The following USP30 variants were observed in gnomAD, a reference collection of about 807,000 sequenced individuals.
The protein encoded by USP30 is ubiquitin carboxyl-terminal hydrolase 30.
Under a neutral mutation model 68.2 loss-of-function variants are expected in USP30, and 41 were observed. That is an observed-to-expected ratio of 0.60 (90% CI 0.47 to 0.78). The LOEUF is 0.78. Ranked by LOEUF, USP30 falls within the 30% of genes least tolerant of loss-of-function variation. USP30 has a pLI of 0.00. For synonymous variants in USP30, 229 were observed against 253.7 expected, an observed-to-expected ratio of 0.90 and a Z score of 0.93; for missense variants, 522 against 649.4, an observed-to-expected ratio of 0.80 and a Z score of 2.13.
At chr12:109,040,364 C>T (rs1359641691) in intron 3 of USP30, among the ~76,000 whole-genome samples, 1 of 152,150 alleles carries the variant, frequency 6.6e-6, no homozygotes, top group East Asian at 1.9e-4. Context: ...TAACAAGCAG[C>T]TCAAGAGATT....
In USP30 at chr12:109,082,891, C is replaced by T. The variant is rs1449762712; in HGVS notation, c.997C>T (p.His333Tyr). ...IHLQRLSWSS[H>Y]GTPLKRHEHV... ...CCTACAGCGGCTGAGCTGGTCCAGC[C>T]ACGGCACGCCTCTGAAGCGGCATGA... Residue 333 changes from histidine to tyrosine, a missense_variant, in exon 11 of 13, where the codon CAC becomes TAC. By Grantham distance (83) the His-to-Tyr change is moderately conservative (BLOSUM62 2). Coordinates refer to ENST00000257548, the MANE Select transcript of USP30 (RefSeq NM_032663.5). The T allele has an allele frequency of 6.2e-7, 1 of 1,614,224 alleles. No individual in the cohort carries two copies. The highest frequency in any genetic ancestry group is 1.1e-5 in the South Asian group (1 of 91,082).
At chr12:109,075,432 C>T (rs1258654662) in intron 7 of USP30, among the ~76,000 whole-genome samples, 5 of 152,128 alleles carry the variant, frequency 3.3e-5, no homozygotes, top group Admixed American at 3.3e-4. Context: ...CTCACTGCAA[C>T]CTCCGTCTCT....
intron 3 of USP30, among the ~76,000 whole-genome samples, chr12:109,046,056 C>CCTCTTAT (rs1480802311): frequency 8.6e-5 from 13 of 150,962 alleles, no homozygotes; most frequent in African/African-American, 3.2e-4. Flanking sequence ...AGCAGAATTC[C>CCTCTTAT]CTCTTATTCT....
At chr12:109,047,168 C>T (rs2040612544) in intron 3 of USP30, among the ~76,000 whole-genome samples, 1 of 53,710 alleles carries the variant, frequency 1.9e-5, no homozygotes, top group African/African-American at 5.8e-5. Flanking sequence ...GAGGTGGATG[C>T]ATTTTTTTTT....
At chr12:109,081,518 C>T (rs2041794140) in intron 8 of USP30, 125 bp downstream of exon 8, 1 of 952,818 alleles carries the variant, frequency 1.0e-6, no homozygotes, top group Non-Finnish European at 1.6e-6. Context: ...GTTGAACCCT[C>T]TCTTAACTTT....
intron 1 of USP30, among the ~76,000 whole-genome samples, chr12:109,053,215 C>G (rs1277903702): frequency 6.6e-6 from 1 of 152,146 alleles, no homozygotes; most frequent in East Asian, 1.9e-4. Context: ...ATAAGTGCCC[C>G]GGGCCTGCGA....
chr12:109,043,498 A>G (rs1262342871), intron 3 of USP30, among the ~76,000 whole-genome samples: 4 of 152,240 alleles, frequency 2.6e-5, no homozygotes, highest in Admixed American at 6.5e-5. Flanking sequence ...TCTTCATCAA[A>G]TAGTTCTGGG....
chr12:109,045,844 T>C (rs1262313319), intron 3 of USP30, among the ~76,000 whole-genome samples: 1 of 152,118 alleles, frequency 6.6e-6, no homozygotes, highest in Non-Finnish European at 1.5e-5. Context: ...TGCACACGTA[T>C]AGATCATATA....
chr12:109,068,737 T>G (rs1201449219), intron 4 of USP30, among the ~76,000 whole-genome samples: 1 of 152,184 alleles, frequency 6.6e-6, no homozygotes, highest in African/African-American at 2.4e-5. Flanking sequence ...AGTCACTCCT[T>G]GGAAGTATTT....
upstream of USP30, among the ~76,000 whole-genome samples, chr12:109,051,798 G>C (rs1458438622): frequency 2.0e-5 from 3 of 152,068 alleles, no homozygotes; most frequent in Admixed American, 2.0e-4. Context: ...TCGAACTCTT[G>C]ACCTCAGGTG....
At chr12:109,049,513 A>G (rs1036555052), upstream of USP30, among the ~76,000 whole-genome samples, 8 of 152,214 alleles carry the variant, frequency 5.3e-5, no homozygotes, top group African/African-American at 1.9e-4. Flanking sequence ...AATAGGTGTA[A>G]TAATAATGAA....
chr12:109,067,683 G>A (rs1483046860), intron 4 of USP30, 56 bp downstream of exon 4: 5 of 1,511,970 alleles, frequency 3.3e-6, no homozygotes, highest in South Asian at 1.1e-5. Context: ...CTAGTGACTT[G>A]GGGCCTGACC....
Position 109,073,498 on chromosome 12 carries a change from C to CT in USP30, c.687dup (p.Ser230Ter). On this transcript the variant is annotated frameshift_variant, in exon 7 of 13. Coordinates refer to ENST00000257548, the MANE Select transcript of USP30 (RefSeq NM_032663.5). LOFTEE classifies it high-confidence loss of function. ...CAACATCCTTTTCATGGAAGACTCACTAGTAATATGGTCTGCAAACACTGT... is the reference window on the plus strand; with the variant it reads ...CAACATCCTTTTCATGGAAGACTCACTTAGTAATATGGTCTGCAAACACTGT... The CT allele has an allele frequency of 6.2e-7, 1 of 1,613,904 alleles. No individual in the cohort carries two copies. The highest frequency in any genetic ancestry group is 8.5e-7 in the Non-Finnish European group (1 of 1,179,746).
At chr12:109,076,299 G>T (rs2041602051) in intron 7 of USP30, among the ~76,000 whole-genome samples, 1 of 152,040 alleles carries the variant, frequency 6.6e-6, no homozygotes, top group South Asian at 2.1e-4. Flanking sequence ...ACTTCTAGAA[G>T]CTGTAGAAGT....
chr12:109,074,091 A>G (rs921080754), intron 7 of USP30, among the ~76,000 whole-genome samples: 3 of 152,104 alleles, frequency 2.0e-5, no homozygotes, highest in Non-Finnish European at 4.4e-5. Context: ...ATGGATTTGC[A>G]TATTCTGGAT....
chr12:109,044,597 A>T (rs1278875202), intron 3 of USP30, among the ~76,000 whole-genome samples: 1 of 152,030 alleles, frequency 6.6e-6, no homozygotes, highest in Non-Finnish European at 1.5e-5. Context: ...TGATAATGCC[A>T]CTGCACTCCA....
chr12:109,052,492 T>A (rs542101521), upstream of USP30: 109 of 472,588 alleles, frequency 2.3e-4, 1 homozygote, highest in African/African-American at 1.8e-3. Flanking sequence ...ACGTGGTCCG[T>A]CAGCTATTGC....
At chr12:109,041,441 C>T (rs2040564144) in intron 3 of USP30, among the ~76,000 whole-genome samples, 1 of 151,966 alleles carries the variant, frequency 6.6e-6, no homozygotes, top group African/African-American at 2.4e-5. Context: ...TTGAGACCAG[C>T]CTGGCCAACG....
At chr12:109,034,260 A>T (rs1461388232) in intron 3 of USP30, among the ~76,000 whole-genome samples, 4 of 152,212 alleles carry the variant, frequency 2.6e-5, no homozygotes, top group Non-Finnish European at 5.9e-5. Flanking sequence ...TTTAATTTCC[A>T]CATATCTATA....
Sources: allele counts gnomAD v4.1 joint callset (sites outside exome capture counted in the v4.1 genomes callset), GRCh38; gene constraint gnomAD v4.1.1; transcripts MANE v1.5; gene names NCBI Gene and HGNC (gene_info 2026-07-23, HGNC 2026-07-21).